The following JAZF1 variants were observed in gnomAD, a reference collection of about 807,000 sequenced individuals.
JAZF1 encodes the protein juxtaposed with another zinc finger protein 1.
A neutral mutation model predicts 26.4 loss-of-function variants in JAZF1; 8 were observed. The ratio of observed to expected loss-of-function variants is 0.30; its 90% confidence interval spans 0.18 to 0.55. The LOEUF is 0.55. JAZF1 is among the 20% of genes least tolerant of loss of function. JAZF1 has a pLI of 0.94. For missense variants in JAZF1, 199 were observed against 322.0 expected, an observed-to-expected ratio of 0.62 and a Z score of 2.92; for synonymous variants, 126 against 122.3, an observed-to-expected ratio of 1.03 and a Z score of -0.20.
chr7:28,125,185 C>T lies in JAZF1; in HGVS notation c.115+55278G>A, dbSNP rs78865696. Among the ~76,000 whole-genome samples the T allele has an allele frequency of 0.013, 1,901 of 143,448 alleles. 132 individuals are homozygous for T. In the East Asian group the frequency reaches 0.22, roughly 17 times the overall value. 94.1% of individuals were successfully genotyped at this position (143,448 alleles called of 152,430 possible). A position where few individuals can be genotyped will look rare whatever the true frequency, so the allele number is the denominator to read the frequency against. On this transcript the variant is annotated intron_variant, in intron 1 of 4. Coordinates refer to ENST00000283928, the MANE Select transcript of JAZF1 (RefSeq NM_175061.4). The stretch of plus-strand genomic sequence containing the variant: ...TTTTGTTAACCCACAATTTGGAAGG[C>T]CTTCACAAAAATATTATTTAAGACC...
chr7:28,166,463 T>C (rs1308516286), intron 1 of JAZF1, among the ~76,000 whole-genome samples: 7 of 152,210 alleles, frequency 4.6e-5, no homozygotes, highest in African/African-American at 7.2e-5. Context: ...CCTAGAGTCA[T>C]GTTCTCGGAT....
intron 1 of JAZF1, among the ~76,000 whole-genome samples, chr7:28,007,249 C>T (rs1265921516): frequency 6.6e-6 from 1 of 152,150 alleles, no homozygotes; most frequent in African/African-American, 2.4e-5. Context: ...GGGCAGATCA[C>T]CTGAGGTTAG....
intron 1 of JAZF1, among the ~76,000 whole-genome samples, chr7:28,001,576 GA>G (rs1177356599): frequency 6.6e-6 from 1 of 152,212 alleles, no homozygotes; most frequent in Admixed American, 6.5e-5. Context: ...AGTCTGAATA[GA>G]AGACAGTTTG....
chr7:28,085,197 G>A (rs1375649128), intron 1 of JAZF1, among the ~76,000 whole-genome samples: 1 of 152,196 alleles, frequency 6.6e-6, no homozygotes, highest in Non-Finnish European at 1.5e-5. Flanking sequence ...CTTTGCCCTA[G>A]TATTCTTGTT....
At chr7:27,987,068 G>A (rs1212523800) in intron 2 of JAZF1, among the ~76,000 whole-genome samples, 4 of 152,020 alleles carry the variant, frequency 2.6e-5, no homozygotes, top group South Asian at 2.1e-4. Flanking sequence ...GCCTCTGCCC[G>A]GCCGCCACCC....
intron 3 of JAZF1, among the ~76,000 whole-genome samples, chr7:27,864,872 A>C (rs1207958612): frequency 6.6e-6 from 1 of 152,138 alleles, no homozygotes; most frequent in Non-Finnish European, 1.5e-5. Flanking sequence ...AACATTTCTC[A>C]ATGTTGCTAC....
Position 27,982,385 on chromosome 7 carries a change from C to T in JAZF1, c.188+9524G>A, listed in dbSNP as rs535857308. 1.9e-4 allele frequency among the ~76,000 whole-genome samples: 29 copies of T among 152,142 alleles called. No individual in the cohort carries two copies. The East Asian group carries it at 4.3e-3, about 22-fold the overall frequency. The stretch of plus-strand genomic sequence containing the variant: ...AGCCATCTGAGATCGAACAGCAAGG[C>T]GGCAGCGAGGCTGGGGGAGGGGCGT... On this transcript the variant is annotated intron_variant, in intron 2 of 4. Transcript: ENST00000283928.
At chr7:28,068,441 T>C (rs1783920723) in intron 1 of JAZF1, among the ~76,000 whole-genome samples, 1 of 152,178 alleles carries the variant, frequency 6.6e-6, no homozygotes, top group Admixed American at 6.5e-5. Flanking sequence ...AATTATACCA[T>C]TCACCTAATT....
intron 2 of JAZF1, among the ~76,000 whole-genome samples, chr7:27,923,638 G>A (rs2128348511): frequency 6.6e-6 from 1 of 152,326 alleles, no homozygotes; most frequent in African/African-American, 2.4e-5. Flanking sequence ...CATTCCTCTT[G>A]CTCCATTCCC....
At chr7:28,156,119 C>T (rs183014509) in intron 1 of JAZF1, among the ~76,000 whole-genome samples, 3 of 152,352 alleles carry the variant, frequency 2.0e-5, no homozygotes, top group African/African-American at 4.8e-5. Flanking sequence ...CATACTTAAA[C>T]ACCAAATCAT....
At chr7:27,913,568 C>G (rs1784397720) in intron 2 of JAZF1, 1 of 252,926 alleles carries the variant, frequency 4.0e-6, no homozygotes, top group South Asian at 3.9e-5. Flanking sequence ...AAACCCCTTG[C>G]TCTCTTTCAC....
At chr7:27,974,748 G>A (rs1284435310) in intron 2 of JAZF1, among the ~76,000 whole-genome samples, 1 of 152,142 alleles carries the variant, frequency 6.6e-6, no homozygotes, top group Non-Finnish European at 1.5e-5. Context: ...GTGTTTGGCT[G>A]TTCTTCTGAA....
chr7:27,956,006 A>C (rs1351610089), intron 2 of JAZF1, among the ~76,000 whole-genome samples: 1 of 152,124 alleles, frequency 6.6e-6, no homozygotes, highest in Non-Finnish European at 1.5e-5. Context: ...GGGCAACTTG[A>C]CTTTCTTCAC....
chr7:27,964,626 A>G (rs1785242032), intron 2 of JAZF1, among the ~76,000 whole-genome samples: 1 of 148,356 alleles, frequency 6.7e-6, no homozygotes, highest in African/African-American at 2.5e-5. Context: ...CTATTTCCCT[A>G]ATAATCAGAA....
In JAZF1 at chr7:27,831,287, C is replaced by T. The variant is rs1782688156; in HGVS notation, c.*1513G>A. ...AAAATGTCTGAAAATTGAGGAGGGACCCCTGCTTCCCAGTTATATGTGATG... is the reference window on the plus strand; with the variant it reads ...AAAATGTCTGAAAATTGAGGAGGGATCCCTGCTTCCCAGTTATATGTGATG... On this transcript the variant is annotated 3_prime_UTR_variant, in exon 5 of 5. Transcript: ENST00000283928. 4.4e-6 allele frequency: 1 copy of T among 226,530 alleles called. No homozygotes were observed. Among genetic ancestry groups the T allele is most frequent in the South Asian group, 1.8e-4 (1 of 5,464 alleles). 14.0% of individuals were successfully genotyped at this position (226,530 alleles called of 1,614,324 possible). A position where few individuals can be genotyped will look rare whatever the true frequency, so the allele number is the denominator to read the frequency against.
intron 3 of JAZF1, among the ~76,000 whole-genome samples, chr7:27,877,134 C>T (rs1160143718): frequency 1.3e-5 from 2 of 148,222 alleles, no homozygotes; most frequent in East Asian, 2.2e-4. Flanking sequence ...GCTTTATCAC[C>T]GACCACGTTT....
At chr7:28,058,849 G>A (rs2128382038) in intron 1 of JAZF1, among the ~76,000 whole-genome samples, 1 of 152,182 alleles carries the variant, frequency 6.6e-6, no homozygotes, top group East Asian at 1.9e-4. Context: ...ATTTTCTCAA[G>A]TATTTTACAT....
At chr7:28,153,035 TA>T (rs1783133277) in intron 1 of JAZF1, among the ~76,000 whole-genome samples, 1 of 152,308 alleles carries the variant, frequency 6.6e-6, no homozygotes, top group South Asian at 2.1e-4. Context: ...ATAAATCATG[TA>T]AAAGGTTTGT....
chr7:27,943,716 T>G (rs1281473624), intron 2 of JAZF1, among the ~76,000 whole-genome samples: 1 of 152,224 alleles, frequency 6.6e-6, no homozygotes, highest in Non-Finnish European at 1.5e-5. Context: ...TCCCATAAAG[T>G]GAGCATGCCT....
Sources: allele counts gnomAD v4.1 joint callset (sites outside exome capture counted in the v4.1 genomes callset), GRCh38; gene constraint gnomAD v4.1.1; transcripts MANE v1.5; gene names NCBI Gene and HGNC (gene_info 2026-07-23, HGNC 2026-07-21).